EIF2B1: variants seen among roughly 807,000 people sequenced by gnomAD.
EIF2B1 encodes the protein eukaryotic translation initiation factor 2B subunit alpha, also known as translation initiation factor eIF2B subunit alpha.
EIF2B1 carries 30 observed loss-of-function variants against 36.8 expected under a neutral mutation model. The observed-to-expected ratio is 0.81, with a 90% CI of 0.61 to 1.10. EIF2B1 has a LOEUF of 1.10. EIF2B1 is among the 50% of genes least tolerant of loss of function. The pLI is 0.00. For missense variants in EIF2B1, 271 were observed against 374.8 expected (o/e 0.72, Z 2.29); for synonymous variants, 139 against 142.2 (o/e 0.98, Z 0.16).
At chr12:123,624,919 A>G in intron 6 of EIF2B1, 57 bp from the exon 7 acceptor site, 1 of 1,448,448 alleles carries the variant, frequency 6.9e-7, no homozygotes, top group Non-Finnish European at 9.7e-7. Context: ...GAGTAGCATC[A>G]TCATCTGCAA....
intron 2 of EIF2B1, among the ~76,000 whole-genome samples, chr12:123,631,035 G>A (rs961801829): frequency 5.3e-5 from 8 of 152,176 alleles, no homozygotes; most frequent in Admixed American, 5.2e-4. Context: ...TACATTTAGG[G>A]TGCTGAATTA....
At chr12:123,623,903 C>T (rs555550875) in intron 7 of EIF2B1, among the ~76,000 whole-genome samples, 9 of 152,118 alleles carry the variant, frequency 5.9e-5, no homozygotes, top group Non-Finnish European at 1.0e-4. Context: ...ACAGGCCGGC[C>T]ACAGTGGCTC....
chr12:123,627,585 G>A (rs763215804), intron 4 of EIF2B1, among the ~76,000 whole-genome samples: 4 of 152,202 alleles, frequency 2.6e-5, no homozygotes, highest in South Asian at 2.1e-4. Context: ...GGTGGCTCAC[G>A]CCTGTAATCC....
chr12:123,620,580 T>TTATATATA lies in EIF2B1; in HGVS notation c.*1168_*1175dup, dbSNP rs68169681. 332 of 65,052 alleles carry TTATATATA rather than the reference T, an allele frequency of 5.1e-3. 2 individuals carry two copies. The highest frequency in any genetic ancestry group is 8.5e-3 in the South Asian group (17 of 2,010). 4.0% of individuals were successfully genotyped at this position (65,052 alleles called of 1,614,324 possible). ...GGTCACATATAGACATATGTACATA[T>TTATATATA]TATATATATATATATATATATATAT... On this transcript the variant is annotated 3_prime_UTR_variant, in exon 9 of 9. Coordinates refer to ENST00000424014, the MANE Select transcript of EIF2B1 (RefSeq NM_001414.4).
chr12:123,627,949 A>G (rs1327040663), intron 4 of EIF2B1, among the ~76,000 whole-genome samples: 4 of 152,224 alleles, frequency 2.6e-5, no homozygotes, highest in South Asian at 2.1e-4. Flanking sequence ...CAAAAATCCA[A>G]TTTTGAAATG....
intron 8 of EIF2B1, 90 bp downstream of exon 8, chr12:123,622,546 T>G: frequency 6.4e-7 from 1 of 1,568,324 alleles, no homozygotes; most frequent in East Asian, 2.3e-5. Context: ...CAATAGGAAG[T>G]GAAAAAATTA....
chr12:123,622,675 G>C lies in EIF2B1; in HGVS notation c.714C>G (p.Leu238=). The change falls in exon 8 of 9, where the codon CTC becomes CTG. Residue 238 remains leucine, a synonymous_variant. Coordinates refer to ENST00000424014, the MANE Select transcript of EIF2B1 (RefSeq NM_001414.4). The part of the protein sequence containing the change: ...VVAESFKFVR[L]FPLNQQDVPD... ...GGACGTCTTGCTGGTTTAGTGGAAA[G>C]AGCCGGACAAACTTGAAACTTTCTG... The C allele has an allele frequency of 6.2e-7, 1 of 1,614,192 alleles. No individual in the cohort carries two copies. Among genetic ancestry groups the C allele is most frequent in the East Asian group, 2.2e-5 (1 of 44,890 alleles).
At chr12:123,631,119 G>C (rs1293088694) in intron 2 of EIF2B1, among the ~76,000 whole-genome samples, 1 of 152,132 alleles carries the variant, frequency 6.6e-6, no homozygotes, top group Non-Finnish European at 1.5e-5. Context: ...ACAGAATCTG[G>C]CACAAGGTGG....
intron 6 of EIF2B1, among the ~76,000 whole-genome samples, chr12:123,625,262 CTTTTTT>C (rs112128656): frequency 4.7e-5 from 7 of 147,640 alleles, no homozygotes; most frequent in African/African-American, 1.7e-4. Context: ...AAAAATCTTT[CTTTTTT>C]TTTTTGAGAC....
In EIF2B1 at chr12:123,624,978, G is replaced by GT. The variant is rs574955629; in HGVS notation, c.552-117dup. 2.5e-4 allele frequency: 244 copies of GT among 963,294 alleles called. 1 individual carries two copies. Among genetic ancestry groups the GT allele is most frequent in the South Asian group, 1.3e-3 (96 of 73,990 alleles). 59.7% of individuals were successfully genotyped at this position (963,294 alleles called of 1,614,324 possible). On this transcript the variant is annotated intron_variant, in intron 6 of 8. Transcript: ENST00000424014. ...AGGTAAGTTCCTCCCATAACTACCT[G>GT]TTTTTTTTAAAGCGCACTTAACACG...
In EIF2B1 at chr12:123,630,593, CTTCAA is replaced by C. The variant is rs1385208363; in HGVS notation, c.116-65_116-61del. 3 of 1,600,708 alleles carry C rather than the reference CTTCAA, an allele frequency of 1.9e-6. No individual in the cohort carries two copies. In the African/African-American group the frequency reaches 4.0e-5, roughly 21 times the overall value. On this transcript the variant is annotated intron_variant, in intron 2 of 8. Coordinates refer to ENST00000424014, the MANE Select transcript of EIF2B1 (RefSeq NM_001414.4). This position sits in a 1 kb window ranked among gnomAD's most constrained non-coding sequence, Gnocchi z 4.6. The stretch of plus-strand genomic sequence containing the variant: ...TTAGGGCCACAGCCCCGACCTGTAT[CTTCAA>C]TTCATTCATTCATTCAGTGAATATT...
intron 1 of EIF2B1, among the ~76,000 whole-genome samples, chr12:123,633,216 C>T (rs1175536162): frequency 6.7e-6 from 1 of 148,980 alleles, no homozygotes; most frequent in Non-Finnish European, 1.5e-5. Flanking sequence ...TTAGTTTGCC[C>T]TTGTTTTTCA....
At chr12:123,629,935 C>G (rs958081254) in intron 4 of EIF2B1, 37 of 595,572 alleles carry the variant, frequency 6.2e-5, no homozygotes, top group Non-Finnish European at 9.0e-5. Flanking sequence ...GGCACAATAC[C>G]AAGCCCTCAC....
intron 6 of EIF2B1, 141 bp from the exon 7 acceptor site, chr12:123,625,003 G>A (rs1349312801): frequency 2.2e-5 from 16 of 721,992 alleles, no homozygotes; most frequent in Admixed American, 2.1e-5. Context: ...CACTTAACAC[G>A]CGATAGACCC....
chr12:123,633,164 A>C (rs1233888810), intron 1 of EIF2B1, among the ~76,000 whole-genome samples: 1 of 150,826 alleles, frequency 6.6e-6, no homozygotes, highest in Non-Finnish European at 1.5e-5. Context: ...TTATACATGG[A>C]GTTCCACCCA....
In EIF2B1 at chr12:123,632,353, CTCTT is replaced by C; in HGVS notation, c.103_106del (p.Lys35GlufsTer10). On this transcript the variant is annotated frameshift_variant, in exon 2 of 9. Transcript: ENST00000424014. LOFTEE classifies it high-confidence loss of function. ...GATGACTCTCTATATACCTTTATCT[CTCTT>C]CAAGAACTCCAGCAACGTCCGGATG... 1 of 1,609,036 alleles carries C rather than the reference CTCTT, an allele frequency of 6.2e-7. No homozygotes were observed. The highest frequency in any genetic ancestry group is 8.5e-7 in the Non-Finnish European group (1 of 1,175,992).
At position 123,620,619 on chromosome 12, in the gene EIF2B1, T is replaced by TATATATATATATAA. The variant is rs1955070805; in HGVS notation, c.*1136_*1137insTTATATATATATAT. 2 of 120,550 alleles carry TATATATATATATAA rather than the reference T, an allele frequency of 1.7e-5. No homozygotes were observed. The highest frequency in any genetic ancestry group is 7.3e-5 in the African/African-American group (2 of 27,260). 7.5% of individuals were successfully genotyped at this position (120,550 alleles called of 1,614,324 possible). A position where few individuals can be genotyped will look rare whatever the true frequency, so the allele number is the denominator to read the frequency against. ...ATATATATATATATATATATATATATATATATATAAGCTCTTTTTTCTGAG... is the reference window on the plus strand; with the variant it reads ...ATATATATATATATATATATATATATATATATATATATAAATATATATAAGCTCTTTTTTCTGAG... On this transcript the variant is annotated 3_prime_UTR_variant, in exon 9 of 9. Transcript: ENST00000424014.
intron 1 of EIF2B1, among the ~76,000 whole-genome samples, 187 bp downstream of exon 1, chr12:123,633,358 T>C (rs1955216831): frequency 1.3e-5 from 2 of 151,824 alleles, no homozygotes; most frequent in Non-Finnish European, 2.9e-5. Flanking sequence ...CTGCAGATAC[T>C]GCCAGGGCGC....
At chr12:123,627,000 G>C (rs1955153773) in intron 5 of EIF2B1, 44 bp downstream of exon 5, 1 of 1,578,638 alleles carries the variant, frequency 6.3e-7, no homozygotes, top group Non-Finnish European at 8.7e-7. Flanking sequence ...AGTTTGCTCT[G>C]TAAAATTATG....
Sources: gnomAD v4.1 joint callset for allele counts (sites outside exome capture counted in the v4.1 genomes callset) on GRCh38, gnomAD v4.1.1 for gene constraint, Gnocchi (gnomAD v3.1) non-coding constraint, MANE v1.5 for transcripts, NCBI Gene and HGNC (gene_info 2026-07-23, HGNC 2026-07-21) for gene names.